GNG2: variants seen among roughly 807,000 people sequenced by gnomAD.
GNG2 encodes G protein subunit gamma 2.
In GNG2, 5 loss-of-function variants were observed where a neutral mutation model predicts 5.5. That is an observed-to-expected ratio of 0.91 (90% CI 0.48 to 1.92). The LOEUF (loss-of-function observed/expected upper bound fraction) is 1.92, where lower values mean the gene tolerates loss of function less well. Among genes scored for constraint, GNG2 ranks in the 30% most tolerant of loss-of-function variants. The pLI is 0.01. For synonymous variants in GNG2, 28 were observed against 32.0 expected (o/e 0.88, Z 0.42); for missense variants, 55 against 88.4 (o/e 0.62, Z 1.52).
exon 2 of GNG2, chr14:51,827,742 G>A: frequency 1.4e-6 from 1 of 701,916 alleles, no homozygotes; most frequent in Non-Finnish European, 2.6e-6. Flanking sequence ...TGGTCTAGGG[G>A]CATGCAGGGG....
At chr14:51,834,185 CAGG>C (rs1157083659) in intron 2 of GNG2, among the ~76,000 whole-genome samples, 1 of 152,200 alleles carries the variant, frequency 6.6e-6, no homozygotes, top group Non-Finnish European at 1.5e-5. Context: ...TAAAGGCTGG[CAGG>C]AGAAGAGCTG....
At chr14:51,960,459 A>G (rs8019625) in intron 3 of GNG2, among the ~76,000 whole-genome samples, 46,691 of 151,316 alleles carry the variant, frequency 0.31, 8,240 homozygotes, top group Non-Finnish European at 0.39. Flanking sequence ...TGCTAATTCT[A>G]TTCATTGTAT....
chr14:51,965,370 A>G (rs751481520), intron 3 of GNG2, among the ~76,000 whole-genome samples: 1 of 152,180 alleles, frequency 6.6e-6, no homozygotes, highest in Non-Finnish European at 1.5e-5. Context: ...ATTTGACCCC[A>G]AATGGCATTC....
At chr14:51,877,815 A>G in intron 2 of GNG2, 158 bp downstream of exon 2, 1 of 216,488 alleles carries the variant, frequency 4.6e-6, no homozygotes, top group East Asian at 1.4e-4. Flanking sequence ...TTCAGAATTT[A>G]AAGAAAAAAT....
intron 2 of GNG2, among the ~76,000 whole-genome samples, chr14:51,910,414 G>A (rs891845392): frequency 3.9e-5 from 6 of 152,184 alleles, no homozygotes; most frequent in African/African-American, 9.6e-5. Context: ...AATCATAAAG[G>A]ACCGATACAT....
rs138654952 is a variant in GNG2 at position 51,944,990 on chromosome 14, G to A, written c.-29-5660G>A. On this transcript the variant is annotated intron_variant, in intron 2 of 3. Transcript: ENST00000556766. ...GCAACAGAGTTGAATAGGTATCTCC[G>A]CAAAGAAATATGAATGGCCAATAAA... Among the ~76,000 whole-genome samples the A allele has an allele frequency of 5.8e-3, 879 of 152,068 alleles. 6 individuals carry two copies. The highest frequency in any genetic ancestry group is 9.7e-3 in the Non-Finnish European group (660 of 67,962).
At chr14:51,937,229 C>T (rs897379922) in intron 2 of GNG2, among the ~76,000 whole-genome samples, 1 of 152,170 alleles carries the variant, frequency 6.6e-6, no homozygotes, top group Non-Finnish European at 1.5e-5. Context: ...CTGTGCTATA[C>T]ATTATCAGAG....
intron 2 of GNG2, among the ~76,000 whole-genome samples, chr14:51,887,620 G>A (rs919519234): frequency 6.6e-6 from 1 of 152,136 alleles, no homozygotes; most frequent in Non-Finnish European, 1.5e-5. Context: ...GGACGGGTTG[G>A]GTCTATAATA....
At chr14:51,888,555 A>G (rs368821616) in intron 2 of GNG2, among the ~76,000 whole-genome samples, 79 of 152,268 alleles carry the variant, frequency 5.2e-4, no homozygotes, top group African/African-American at 1.8e-3. Flanking sequence ...CCTGGGCTCA[A>G]GTAATCTTCC....
intron 2 of GNG2, among the ~76,000 whole-genome samples, chr14:51,921,106 T>G (rs371131396): frequency 5.3e-4 from 80 of 152,304 alleles, no homozygotes; most frequent in African/African-American, 1.9e-3. Context: ...AAGGCTGTAT[T>G]GTATAGTGAA....
chr14:51,859,433 G>T (rs1396940959), upstream of GNG2, among the ~76,000 whole-genome samples: 1 of 152,156 alleles, frequency 6.6e-6, no homozygotes, highest in Non-Finnish European at 1.5e-5. Flanking sequence ...TACTGGTGAG[G>T]GTTCGGCTGC....
At chr14:51,854,632 C>A (rs980554398) in intron 2 of GNG2, among the ~76,000 whole-genome samples, 29 of 11,694 alleles carry the variant, frequency 2.5e-3, no homozygotes, top group African/African-American at 9.3e-3. Flanking sequence ...TGCCTCAGCT[C>A]CCCCCGAGTA....
At chr14:51,917,498 C>T (rs1286935968) in intron 2 of GNG2, 4 of 438,296 alleles carry the variant, frequency 9.1e-6, no homozygotes, top group Non-Finnish European at 1.8e-5. Context: ...TTTATTAAAA[C>T]CATGTCTTTT....
intron 2 of GNG2, among the ~76,000 whole-genome samples, chr14:51,881,701 C>CTTTTTTTTTTTTTTTTTTTTTTTTT (rs58544362): frequency 9.6e-6 from 1 of 104,222 alleles, no homozygotes; most frequent in African/African-American, 3.7e-5. Context: ...AGCTGGAAGA[C>CTTTTTTTTTTTTTTTTTTTTTTTTT]TTTTTTTTTT....
chr14:51,949,116 G>A (rs78809611), intron 2 of GNG2, among the ~76,000 whole-genome samples: 50,424 of 142,006 alleles, frequency 0.36, 9,235 homozygotes, highest in Middle Eastern at 0.43. Flanking sequence ...GGCAGACTCC[G>A]TCTCAAAAAA....
chr14:51,832,721 T>C (rs61970747), intron 2 of GNG2, among the ~76,000 whole-genome samples: 39,703 of 152,156 alleles, frequency 0.26, 6,382 homozygotes, highest in Non-Finnish European at 0.37. Flanking sequence ...CTCTAGTGTC[T>C]CTTCTTATAA....
chr14:51,828,029 G>T (rs1426036848), intron 2 of GNG2, among the ~76,000 whole-genome samples: 1 of 152,174 alleles, frequency 6.6e-6, no homozygotes, highest in Non-Finnish European at 1.5e-5. Flanking sequence ...ATGCCTTGGG[G>T]GCAGTGGCCA....
intron 3 of GNG2, chr14:51,952,195 A>G (rs1421472923): frequency 1.4e-5 from 5 of 350,370 alleles, no homozygotes; most frequent in Non-Finnish European, 2.6e-5. Context: ...GCAAATACCC[A>G]TGGACATTTT....
chr14:51,898,028 A>G (rs184503452), intron 2 of GNG2, among the ~76,000 whole-genome samples: 41 of 152,196 alleles, frequency 2.7e-4, no homozygotes, highest in African/African-American at 6.3e-4. Flanking sequence ...CTCTCTGGGT[A>G]TTGTTTCCCA....
Sources: allele counts gnomAD v4.1 joint callset (sites outside exome capture counted in the v4.1 genomes callset), GRCh38; gene constraint gnomAD v4.1.1; transcripts MANE v1.5; gene names NCBI Gene and HGNC (gene_info 2026-07-23, HGNC 2026-07-21).